MTPAP: variants seen among roughly 807,000 people sequenced by gnomAD.
MTPAP encodes the protein mitochondrial poly(A) polymerase.
MTPAP carries 23 observed loss-of-function variants against 48.7 expected under a neutral mutation model. That is an observed-to-expected ratio of 0.47 (90% CI 0.34 to 0.67). The LOEUF (loss-of-function observed/expected upper bound fraction) is 0.67. Ranked by LOEUF, MTPAP falls within the 30% of genes least tolerant of loss-of-function variation. The pLI is 0.01. For missense variants in MTPAP, 614 were observed against 694.3 expected (o/e 0.88, Z 1.30); for synonymous variants, 257 against 254.1 (o/e 1.01, Z -0.11).
At chr10:30,314,205 TTAGGGCTTATCATC>T (rs1840634755) in intron 8 of MTPAP, among the ~76,000 whole-genome samples, 1 of 152,036 alleles carries the variant, frequency 6.6e-6, no homozygotes, top group African/African-American at 2.4e-5. Context: ...GAGAAATAAC[TTAGGGCTTATCATC>T]TATGGATGAT....
At chr10:30,331,573 A>G (rs1260482093) in intron 4 of MTPAP, among the ~76,000 whole-genome samples, 2 of 152,150 alleles carry the variant, frequency 1.3e-5, no homozygotes, top group African/African-American at 4.8e-5. Flanking sequence ...CAGTTAGTAA[A>G]TAACTTTCCT....
chr10:30,328,931 A>C (rs1834630638), intron 4 of MTPAP, among the ~76,000 whole-genome samples: 2 of 152,036 alleles, frequency 1.3e-5, no homozygotes, highest in African/African-American at 4.8e-5. Flanking sequence ...AACACATCCT[A>C]GGTTGTTTTG....
At chr10:30,319,581 T>C (rs748601178) in intron 6 of MTPAP, among the ~76,000 whole-genome samples, 1 of 151,950 alleles carries the variant, frequency 6.6e-6, no homozygotes, top group African/African-American at 2.4e-5. Context: ...TGGTCAAAAT[T>C]AGAAAGTATA....
At chr10:30,314,884 C>CAAAAAAAAAAAAAAAAAAAAAAAAAAAA (rs34249388) in intron 8 of MTPAP, among the ~76,000 whole-genome samples, 1 of 110,744 alleles carries the variant, frequency 9.0e-6, no homozygotes, top group East Asian at 2.6e-4. Context: ...AAAACAAAAA[C>CAAAAAAAAAAAAAAAAAAAAAAAAAAAA]AAAAAAAAAA....
intron 1 of MTPAP, among the ~76,000 whole-genome samples, chr10:30,343,662 G>A (rs954990083): frequency 6.6e-6 from 1 of 151,988 alleles, no homozygotes; most frequent in Non-Finnish European, 1.5e-5. Flanking sequence ...CCGCCTCCCA[G>A]GTTCAAGCGA....
Position 30,337,032 on chromosome 10 carries a change from C to G in MTPAP, c.556-5G>C, listed in dbSNP as rs1372772840. 1.9e-6 allele frequency: 3 copies of G among 1,607,540 alleles called. No homozygotes were observed. In the Admixed American group the frequency reaches 5.0e-5, roughly 27 times the overall value. On this transcript the variant is annotated splice_polypyrimidine_tract_variant and splice_region_variant and intron_variant, in intron 3 of 8. Coordinates refer to ENST00000263063, the MANE Select transcript of MTPAP (RefSeq NM_018109.4). ...AGTGTTCAGCTGATCGTCTATCTAG[C>G]TAGCCGAAACAAAACCAACAAAATA...
chr10:30,340,499 A>C, intron 2 of MTPAP, 49 bp from the exon 3 acceptor site: 1 of 1,281,798 alleles, frequency 7.8e-7, no homozygotes, highest in Middle Eastern at 1.8e-4. Context: ...CGATATATCT[A>C]ACATACTATT....
At chr10:30,315,131 T>C (rs568660800) in intron 8 of MTPAP, among the ~76,000 whole-genome samples, 72 of 152,292 alleles carry the variant, frequency 4.7e-4, no homozygotes, top group African/African-American at 1.5e-3. Flanking sequence ...TGACGAACTT[T>C]GTATGCTTAT....
At chr10:30,331,131 T>C (rs964304667) in intron 4 of MTPAP, among the ~76,000 whole-genome samples, 3 of 152,186 alleles carry the variant, frequency 2.0e-5, no homozygotes, top group African/African-American at 7.2e-5. Flanking sequence ...ATTATACTTA[T>C]TATGAGCAAA....
At chr10:30,336,663 T>G in intron 4 of MTPAP, 140 bp downstream of exon 4, 1 of 767,016 alleles carries the variant, frequency 1.3e-6, no homozygotes, top group East Asian at 2.5e-5. Context: ...AAAGAATCAA[T>G]AACAAATACA....
In MTPAP at chr10:30,332,316, A is replaced by G. The variant is rs143498883; in HGVS notation, c.780+4487T>C. Among the ~76,000 whole-genome samples, 4 of 152,244 alleles carry G rather than the reference A, an allele frequency of 2.6e-5. No homozygotes were observed. The East Asian group carries it at 7.7e-4, about 29-fold the overall frequency. ...CTGGTTATTTCTGTGTATGTATGAC[A>G]GAGTCTTGCTATTTCGCCCAGGCTG... is the stretch of plus-strand genomic sequence containing the variant. On this transcript the variant is annotated intron_variant, in intron 4 of 8. Coordinates refer to ENST00000263063, the MANE Select transcript of MTPAP (RefSeq NM_018109.4).
intron 4 of MTPAP, among the ~76,000 whole-genome samples, chr10:30,334,264 C>T (rs889376541): frequency 5.3e-5 from 8 of 152,052 alleles, no homozygotes; most frequent in East Asian, 1.9e-4. Flanking sequence ...AGGAATGAGT[C>T]GAGGAATGGA....
chr10:30,327,503 T>TAAATAAA (rs1176853446), intron 4 of MTPAP, among the ~76,000 whole-genome samples: 1 of 7,228 alleles, frequency 1.4e-4, no homozygotes, highest in African/African-American at 2.3e-4. Flanking sequence ...CATTTCAAAA[T>TAAATAAA]AAATAAATAA....
At position 30,313,409 on chromosome 10, in the gene MTPAP, A is replaced by G. The variant is rs1564517163; in HGVS notation, c.*200T>C. The G allele has an allele frequency of 3.0e-6, 2 of 666,650 alleles. No individual in the cohort carries two copies. Among genetic ancestry groups the G allele is most frequent in the Non-Finnish European group, 2.5e-6 (1 of 395,358 alleles). The allele number at this position is 666,650 out of a possible 1,614,324, so 41.3% of individuals were successfully genotyped here. On this transcript the variant is annotated 3_prime_UTR_variant, in exon 9 of 9. Transcript: ENST00000263063. ...CACACTCCACAGCTGATGTTTTAAT[A>G]AAGTGCCACTGAGTATCAGACTGAT...
Position 30,315,722 on chromosome 10 carries a change from G to A in MTPAP, c.1386+241C>T, listed in dbSNP as rs188849635. Among the ~76,000 whole-genome samples, 554 of 152,262 alleles carry A rather than the reference G, an allele frequency of 3.6e-3. 5 individuals carry two copies. Among genetic ancestry groups the A allele is most frequent in the African/African-American group, 0.012 (511 of 41,554 alleles). On this transcript the variant is annotated intron_variant, in intron 8 of 8. Transcript: ENST00000263063. Reference sequence around the variant, plus strand: ...TACAGTATTACACTAAGTGAGGACAGAAGTCCCATGGCATAATAACAAGGC... The same window carrying A: ...TACAGTATTACACTAAGTGAGGACAAAAGTCCCATGGCATAATAACAAGGC...
chr10:30,322,567 G>C lies in MTPAP; in HGVS notation c.1043C>G (p.Ser348Ter). 1 of 1,614,042 alleles carries C rather than the reference G, an allele frequency of 6.2e-7. No individual in the cohort carries two copies. Among genetic ancestry groups the C allele is most frequent in the Non-Finnish European group, 8.5e-7 (1 of 1,179,968 alleles). ...ACTGAACACCAAGGCTCTCACTCTT[G>C]AGTCTAGGGCACCATATATATAAAG... ...ELLYIYGALD[S>*]RVRALVFSVR... The change falls in exon 6 of 9, where the codon TCA (serine) becomes TGA (stop). Residue 348 changes from serine to a stop codon, truncating the protein, a stop_gained. Coordinates refer to ENST00000263063, the MANE Select transcript of MTPAP (RefSeq NM_018109.4). LOFTEE classifies it high-confidence loss of function.
chr10:30,327,245 T>G (rs1011744064), intron 4 of MTPAP, among the ~76,000 whole-genome samples: 1 of 151,446 alleles, frequency 6.6e-6, no homozygotes. Flanking sequence ...CCTAGCACTT[T>G]GGGAGGCCAA....
In MTPAP at chr10:30,313,748, T is replaced by C; in HGVS notation, c.1610A>G (p.Asn537Ser). ...LVSLLLPSAP[N>S]RKSFTKKKSN... The stretch of plus-strand genomic sequence containing the variant: ...TTTCTTCTTGGTAAAGGACTTTCTG[T>C]TTGGAGCAGATGGTAGCAATAGGGA... Residue 537 changes from asparagine (N) to serine (S), a missense_variant, in exon 9 of 9, where the codon AAC (asparagine) becomes AGC (serine). Asn to Ser is a conservative substitution (Grantham distance 46). Transcript: ENST00000263063. 6.2e-7 allele frequency: 1 copy of C among 1,614,202 alleles called. No individual in the cohort carries two copies. The highest frequency in any genetic ancestry group is 8.5e-7 in the Non-Finnish European group (1 of 1,180,018).
Position 30,341,560 on chromosome 10 carries a change from T to C in MTPAP, c.238A>G (p.Ile80Val), listed in dbSNP as rs1255448692. The C allele has an allele frequency of 6.2e-7, 1 of 1,614,152 alleles. No individual in the cohort carries two copies. Among genetic ancestry groups the C allele is most frequent in the Admixed American group, 1.7e-5 (1 of 60,028 alleles). Residue 80 changes from isoleucine to valine, a missense_variant, in exon 2 of 9, where the codon ATA becomes GTA. Around this residue, in one of 5 missense-constraint regions of MTPAP, gnomAD observed 125 missense variants for 111.5 expected, o/e 1.12. Coordinates refer to ENST00000263063, the MANE Select transcript of MTPAP (RefSeq NM_018109.4). ...RREQAQRTVLIHCPEKISENK... is the reference protein window; with the variant it reads ...RREQAQRTVLVHCPEKISENK... ...TCACTGATTTTCTCTGGGCAATGTATTAAAACAGTCCGCTGTGCCTGTTCT... is the reference window on the plus strand; with the variant it reads ...TCACTGATTTTCTCTGGGCAATGTACTAAAACAGTCCGCTGTGCCTGTTCT...
Sources: allele counts gnomAD v4.1 joint callset (sites outside exome capture counted in the v4.1 genomes callset), GRCh38; gene constraint gnomAD v4.1.1; regional missense constraint gnomAD v4.1.1; transcripts MANE v1.5; gene names NCBI Gene and HGNC (gene_info 2026-07-23, HGNC 2026-07-21).